CCDC148: variants seen among roughly 807,000 people sequenced by gnomAD.
CCDC148 encodes coiled-coil domain containing 148, also known as coiled-coil domain-containing protein 148.
In CCDC148, 89 loss-of-function variants were observed where a neutral mutation model predicts 85.7. That is an observed-to-expected ratio of 1.04 (90% CI 0.87 to 1.24). The LOEUF (loss-of-function observed/expected upper bound fraction) is 1.24. CCDC148 is among the 50% of genes most tolerant of loss of function. CCDC148 has a pLI of 0.00. For missense variants in CCDC148, 692 were observed against 671.7 expected (o/e 1.03, Z -0.33); for synonymous variants, 230 against 213.9 (o/e 1.08, Z -0.66).
intron 1 of CCDC148, among the ~76,000 whole-genome samples, chr2:158,435,143 C>G (rs950620191): frequency 6.6e-6 from 1 of 152,126 alleles, no homozygotes; most frequent in African/African-American, 2.4e-5. Flanking sequence ...AAAGATACTC[C>G]TCGAGAAGAG....
chr2:158,347,194 T>C (rs1683035816), intron 2 of CCDC148, among the ~76,000 whole-genome samples: 1 of 152,160 alleles, frequency 6.6e-6, no homozygotes, highest in African/African-American at 2.4e-5. Flanking sequence ...CTTTTAAAAT[T>C]AGATTTCTTT....
intron 11 of CCDC148, 71 bp from the exon 12 acceptor site, chr2:158,179,067 TA>T (rs1216132947): frequency 3.2e-5 from 37 of 1,155,904 alleles, no homozygotes; most frequent in Middle Eastern, 2.0e-4. Context: ...GAAAACAGCA[TA>T]GGGGCAGAAC....
intron 1 of CCDC148, among the ~76,000 whole-genome samples, chr2:158,436,386 C>A (rs890670203): frequency 2.6e-5 from 4 of 152,030 alleles, no homozygotes; most frequent in African/African-American, 7.2e-5. Context: ...TACTGGGTAC[C>A]TAACGAAATA....
At chr2:158,237,912 C>G (rs1688180751) in intron 10 of CCDC148, among the ~76,000 whole-genome samples, 1 of 152,026 alleles carries the variant, frequency 6.6e-6, no homozygotes, top group Non-Finnish European at 1.5e-5. Flanking sequence ...TTCCTAGAGG[C>G]CAAGGGAATC....
chr2:158,177,428 G>A (rs1684648578), intron 12 of CCDC148, among the ~76,000 whole-genome samples: 1 of 152,048 alleles, frequency 6.6e-6, no homozygotes, highest in African/African-American at 2.4e-5. Context: ...AAATAACTGA[G>A]GGTTGAACAT....
chr2:158,403,627 T>C (rs1685879111), intron 1 of CCDC148, among the ~76,000 whole-genome samples: 2 of 151,908 alleles, frequency 1.3e-5, no homozygotes, highest in African/African-American at 4.8e-5. Context: ...ACAATTAAAT[T>C]GGCATTTAGT....
Position 158,324,915 on chromosome 2 carries a change from T to C in CCDC148, c.765-11021A>G, listed in dbSNP as rs367905628. Among the ~76,000 whole-genome samples the C allele has an allele frequency of 5.3e-5, 8 of 152,158 alleles. No individual in the cohort carries two copies. The South Asian group carries it at 1.5e-3, about 28-fold the overall frequency. On this transcript the variant is annotated intron_variant, in intron 7 of 13. Transcript: ENST00000283233. The stretch of plus-strand genomic sequence containing the variant: ...CCATATACTCTGCAACCTCACCTGT[T>C]AGAGTAGCAGATGAACCATCTGTGC...
intron 1 of CCDC148, chr2:158,393,336 T>A (rs1038102600): frequency 6.6e-6 from 1 of 152,150 alleles, no homozygotes; most frequent in South Asian, 2.1e-4. Flanking sequence ...GAGATCATGA[T>A]ATCGTAGCTA....
At chr2:158,362,736 C>T (rs144471900) in intron 1 of CCDC148, among the ~76,000 whole-genome samples, 1 of 152,226 alleles carries the variant, frequency 6.6e-6, no homozygotes, top group East Asian at 1.9e-4. Flanking sequence ...CTAAAATTGA[C>T]ACCCTAACAT....
intron 2 of CCDC148, among the ~76,000 whole-genome samples, chr2:158,356,957 C>G (rs1429237952): frequency 1.4e-5 from 2 of 145,724 alleles, no homozygotes; most frequent in South Asian, 4.4e-4. Flanking sequence ...TGGAAAACAT[C>G]ATTCTCAGTA....
intron 9 of CCDC148, among the ~76,000 whole-genome samples, chr2:158,269,721 C>G (rs1479329176): frequency 6.6e-6 from 1 of 152,096 alleles, no homozygotes; most frequent in Non-Finnish European, 1.5e-5. Flanking sequence ...TGGTGACCAA[C>G]AAAATAATGC....
chr2:158,353,771 T>C (rs1216040798), intron 2 of CCDC148, among the ~76,000 whole-genome samples: 3 of 152,084 alleles, frequency 2.0e-5, no homozygotes, highest in Non-Finnish European at 4.4e-5. Flanking sequence ...CAACAGAATA[T>C]ACATTTTTTT....
chr2:158,217,372 G>GTATATATATATATATATATATATATATA (rs1279069325), intron 11 of CCDC148, among the ~76,000 whole-genome samples: 2 of 72,310 alleles, frequency 2.8e-5, no homozygotes, highest in African/African-American at 7.8e-5. Flanking sequence ...TTGTGTGTGT[G>GTATATATATATATATATATATATATATA]TGTATATATA....
intron 1 of CCDC148, among the ~76,000 whole-genome samples, chr2:158,455,905 T>C (rs1484450294): frequency 2.6e-5 from 4 of 152,244 alleles, no homozygotes; most frequent in Non-Finnish European, 5.9e-5. Context: ...CCTCAGGTTA[T>C]TTCCATATCA....
chr2:158,214,474 G>A lies in CCDC148; in HGVS notation c.1370+6121C>T, dbSNP rs1160301717. Among the ~76,000 whole-genome samples the A allele has an allele frequency of 2.6e-5, 4 of 152,268 alleles. No homozygotes were observed. The South Asian group carries it at 8.3e-4, about 32-fold the overall frequency. ...ACAGGAAAATAAAAACTATAGTCGA[G>A]TGAATTGATTAGGAAATAAAATACA... On this transcript the variant is annotated intron_variant, in intron 11 of 13. Coordinates refer to ENST00000283233, the MANE Select transcript of CCDC148 (RefSeq NM_138803.4).
intron 1 of CCDC148, among the ~76,000 whole-genome samples, chr2:158,363,554 G>T (rs1267628487): frequency 1.3e-5 from 2 of 151,822 alleles, no homozygotes; most frequent in African/African-American, 4.8e-5. Flanking sequence ...ACAGAACCAA[G>T]GACATAAACC....
Position 158,340,677 on chromosome 2 carries a change from AC to A in CCDC148, c.254del (p.Cys85LeufsTer7). 1 of 1,530,334 alleles carries A rather than the reference AC, an allele frequency of 6.5e-7. No homozygotes were observed. The allele number at this position is 1,530,334 out of a possible 1,614,324, so 94.8% of individuals were successfully genotyped here. A position where few individuals can be genotyped will look rare whatever the true frequency, so the allele number is the denominator to read the frequency against. ...GGGATTTTATTTCAGATTCCATTTTACATCTGAAATAGATGTGATCTCAATA... is the reference window on the plus strand; with the variant it reads ...GGGATTTTATTTCAGATTCCATTTTAATCTGAAATAGATGTGATCTCAATA... Reference protein sequence around the residue: ...QEYQRLNEVRCKMESEIKSLL... With the variant: ...QEYQRLNEVRXKMESEIKSLL... On this transcript the variant is annotated frameshift_variant and splice_region_variant, in exon 4 of 14. Transcript: ENST00000283233. LOFTEE classifies it high-confidence loss of function.
chr2:158,397,683 T>A (rs1165621339), intron 1 of CCDC148, among the ~76,000 whole-genome samples: 7 of 152,000 alleles, frequency 4.6e-5, no homozygotes, highest in Non-Finnish European at 8.8e-5. Context: ...ACATGCCAAA[T>A]TGTAAAGACC....
intron 7 of CCDC148, among the ~76,000 whole-genome samples, chr2:158,322,822 A>T (rs938950713): frequency 4.6e-5 from 7 of 152,056 alleles, no homozygotes; most frequent in African/African-American, 7.2e-5. Context: ...TCAGAGTCAG[A>T]TCTCGAATAA....
Sources: gnomAD v4.1 joint callset for allele counts (sites outside exome capture counted in the v4.1 genomes callset) on GRCh38, gnomAD v4.1.1 for gene constraint, MANE v1.5 for transcripts, NCBI Gene and HGNC (gene_info 2026-07-23, HGNC 2026-07-21) for gene names.